The following FBXL7 variants were observed in gnomAD, a reference collection of about 807,000 sequenced individuals.
The protein encoded by FBXL7 is F-box/LRR-repeat protein 7.
A neutral mutation model predicts 38.3 loss-of-function variants in FBXL7; 12 were observed. The ratio of observed to expected loss-of-function variants is 0.31; its 90% CI spans 0.20 to 0.51. The LOEUF is 0.51. Ranked by LOEUF, FBXL7 falls within the 20% of genes least tolerant of loss-of-function variation. FBXL7 has a pLI of 0.98. For missense variants in FBXL7, 567 were observed against 676.4 expected, an observed-to-expected ratio of 0.84 and a Z score of 1.79; for synonymous variants, 297 against 300.9, an observed-to-expected ratio of 0.99 and a Z score of 0.13.
chr5:15,937,256 A>C lies in FBXL7; in HGVS notation c.*70A>C, dbSNP rs1279748543. 4.1e-6 allele frequency: 6 copies of C among 1,446,280 alleles called. No individual in the cohort carries two copies. Among genetic ancestry groups the C allele is most frequent in the Non-Finnish European group, 5.5e-6 (6 of 1,099,538 alleles). The allele number at this position is 1,446,280 out of a possible 1,614,324, so 89.6% of individuals were successfully genotyped here. A position where few individuals can be genotyped will look rare whatever the true frequency, so the allele number is the denominator to read the frequency against. ...AAGCAAATTTTTTTAAAAGCAGCGTATGTAAGCACCGACACCCACTCAAAA... is the reference window on the plus strand; with the variant it reads ...AAGCAAATTTTTTTAAAAGCAGCGTCTGTAAGCACCGACACCCACTCAAAA... On this transcript the variant is annotated 3_prime_UTR_variant, in exon 4 of 4. Transcript: ENST00000504595.
chr5:15,541,443 GTATATATATATA>G lies in FBXL7; in HGVS notation c.37+40757_37+40768del, dbSNP rs56810372. ...ACATATAGTATATATGTGTGTGTGT[GTATATATATATA>G]TATATATATATATATATATATATAT... is the stretch of plus-strand genomic sequence containing the variant. On this transcript the variant is annotated intron_variant, in intron 1 of 3. Transcript: ENST00000504595. Among the ~76,000 whole-genome samples the G allele has an allele frequency of 1.9e-3, 73 of 38,446 alleles. 2 individuals are homozygous for G. The highest frequency in any genetic ancestry group is 3.8e-3 in the East Asian group (5 of 1,308). 25.2% of individuals were successfully genotyped at this position (38,446 alleles called of 152,430 possible). A position where few individuals can be genotyped will look rare whatever the true frequency, so the allele number is the denominator to read the frequency against.
chr5:15,518,875 A>G (rs977608227), intron 1 of FBXL7, among the ~76,000 whole-genome samples: 3 of 152,100 alleles, frequency 2.0e-5, no homozygotes, highest in South Asian at 4.2e-4. Context: ...TGGCTTGCAC[A>G]TATTTATTAA....
intron 3 of FBXL7, among the ~76,000 whole-genome samples, chr5:15,934,491 A>AGT (rs1364320717): frequency 6.6e-6 from 1 of 151,856 alleles, no homozygotes; most frequent in Non-Finnish European, 1.5e-5. Context: ...TAAATTATAT[A>AGT]GTGTGTATAT....
At chr5:15,531,499 A>G (rs1737430741) in intron 1 of FBXL7, among the ~76,000 whole-genome samples, 1 of 152,234 alleles carries the variant, frequency 6.6e-6, no homozygotes, top group Admixed American at 6.5e-5. Context: ...AGAGACAGCA[A>G]GCTGAGTGTT....
intron 2 of FBXL7, among the ~76,000 whole-genome samples, chr5:15,819,490 T>A (rs1738112620): frequency 6.6e-6 from 1 of 152,206 alleles, no homozygotes; most frequent in Non-Finnish European, 1.5e-5. Context: ...GTGTACTGCA[T>A]TCCAAGAGTG....
chr5:15,810,158 G>A (rs1275784104), intron 2 of FBXL7, among the ~76,000 whole-genome samples: 2 of 151,936 alleles, frequency 1.3e-5, no homozygotes, highest in African/African-American at 4.8e-5. Context: ...CAAAATTGAA[G>A]TCTATTTCTT....
intron 2 of FBXL7, among the ~76,000 whole-genome samples, chr5:15,717,672 C>T (rs1216785192): frequency 6.6e-6 from 1 of 152,130 alleles, no homozygotes; most frequent in Non-Finnish European, 1.5e-5. Context: ...AAAATAGACA[C>T]AAAACATTGC....
chr5:15,776,459 T>G (rs560480902), intron 2 of FBXL7, among the ~76,000 whole-genome samples: 1 of 152,270 alleles, frequency 6.6e-6, no homozygotes, highest in South Asian at 2.1e-4. Flanking sequence ...AAACATGATC[T>G]GGGTTGGCAA....
chr5:15,905,161 A>G (rs1345521779), intron 2 of FBXL7, among the ~76,000 whole-genome samples: 2 of 152,166 alleles, frequency 1.3e-5, no homozygotes, highest in Non-Finnish European at 2.9e-5. Context: ...TCAACTTTTT[A>G]TTTTCCTGAT....
chr5:15,650,177 G>A (rs1379713536), intron 2 of FBXL7, among the ~76,000 whole-genome samples: 1 of 152,096 alleles, frequency 6.6e-6, no homozygotes, highest in African/African-American at 2.4e-5. Flanking sequence ...GAGCTTACAG[G>A]GATATCTTAG....
rs1739842208 is a variant in FBXL7 at position 15,602,769 on chromosome 5, TAAAAC to T, written c.38-13212_38-13208del. Among the ~76,000 whole-genome samples the T allele has an allele frequency of 2.6e-5, 4 of 152,194 alleles. No individual in the cohort carries two copies. In the South Asian group the frequency reaches 8.3e-4, roughly 32 times the overall value. The stretch of plus-strand genomic sequence containing the variant: ...AATAAAATACTCTTAAAAAAGAAAA[TAAAAC>T]AGTGTTTGAGAATGTCACTTAAGGA... On this transcript the variant is annotated intron_variant, in intron 1 of 3. Coordinates refer to ENST00000504595, the MANE Select transcript of FBXL7 (RefSeq NM_012304.5).
At chr5:15,605,379 CAG>C (rs1266179377) in intron 1 of FBXL7, among the ~76,000 whole-genome samples, 2 of 152,054 alleles carry the variant, frequency 1.3e-5, no homozygotes, top group East Asian at 1.9e-4. Context: ...GGTATACACA[CAG>C]AGTAGAATAT....
At chr5:15,600,634 C>T (rs1343456066) in intron 1 of FBXL7, among the ~76,000 whole-genome samples, 4 of 152,102 alleles carry the variant, frequency 2.6e-5, no homozygotes, top group African/African-American at 9.7e-5. Flanking sequence ...GGAAACATAG[C>T]GGGATCTTAA....
At chr5:15,512,990 T>A (rs1561010813) in intron 1 of FBXL7, among the ~76,000 whole-genome samples, 1 of 152,238 alleles carries the variant, frequency 6.6e-6, no homozygotes, top group Non-Finnish European at 1.5e-5. Context: ...TTTAGATTCA[T>A]ACTAATCAAA....
intron 1 of FBXL7, among the ~76,000 whole-genome samples, chr5:15,543,577 A>G (rs977343752): frequency 1.3e-5 from 2 of 152,218 alleles, no homozygotes; most frequent in Non-Finnish European, 2.9e-5. Flanking sequence ...TAGTCCAGCA[A>G]GGGCTAAATT....
At chr5:15,672,501 A>C (rs1742511049) in intron 2 of FBXL7, among the ~76,000 whole-genome samples, 1 of 151,592 alleles carries the variant, frequency 6.6e-6, no homozygotes, top group Non-Finnish European at 1.5e-5. Context: ...ATAACATTCT[A>C]GGAAGTCTTT....
At chr5:15,584,037 G>C (rs1284616877) in intron 1 of FBXL7, among the ~76,000 whole-genome samples, 1 of 152,184 alleles carries the variant, frequency 6.6e-6, no homozygotes, top group Non-Finnish European at 1.5e-5. Context: ...CCTGGGGCTT[G>C]CACTCTCTGA....
intron 1 of FBXL7, among the ~76,000 whole-genome samples, chr5:15,612,440 A>T (rs184582833): frequency 6.6e-6 from 1 of 152,236 alleles, no homozygotes; most frequent in Admixed American, 6.5e-5. Context: ...TAAACAAGCA[A>T]TTTTTAAATT....
chr5:15,599,480 TA>T (rs1264625846), intron 1 of FBXL7, among the ~76,000 whole-genome samples: 8 of 152,206 alleles, frequency 5.3e-5, no homozygotes, highest in African/African-American at 1.9e-4. Flanking sequence ...TTCTTCCACT[TA>T]GCTTTTAGGT....
Sources: gnomAD v4.1 joint callset for allele counts (sites outside exome capture counted in the v4.1 genomes callset) on GRCh38, gnomAD v4.1.1 for gene constraint, MANE v1.5 for transcripts, NCBI Gene and HGNC (gene_info 2026-07-23, HGNC 2026-07-21) for gene names.